Variants in MACROD2 observed in about 807,000 individuals in gnomAD.
The protein encoded by MACROD2 is ADP-ribose glycohydrolase MACROD2.
Under a neutral mutation model 70.4 loss-of-function variants are expected in MACROD2, and 36 were observed. The ratio of observed to expected loss-of-function variants is 0.51; its 90% confidence interval spans 0.39 to 0.68. The LOEUF (loss-of-function observed/expected upper bound fraction) is 0.68. MACROD2 is among the 30% of genes least tolerant of loss of function. The probability of loss-of-function intolerance (pLI) is 0.00; values close to 1 mark genes in which losing one functional copy is unlikely to be tolerated. For synonymous variants in MACROD2, 172 were observed against 178.8 expected, an observed-to-expected ratio of 0.96 and a Z score of 0.30; for missense variants, 496 against 538.4, an observed-to-expected ratio of 0.92 and a Z score of 0.78.
chr20:15,274,171 G>A (rs1177281574), intron 6 of MACROD2, among the ~76,000 whole-genome samples: 7 of 152,160 alleles, frequency 4.6e-5, no homozygotes, highest in Admixed American at 4.6e-4. Flanking sequence ...GGGTTGTATT[G>A]TATCTTAGGA....
chr20:14,331,375 G>C (rs527772049), intron 3 of MACROD2, among the ~76,000 whole-genome samples: 1 of 152,056 alleles, frequency 6.6e-6, no homozygotes, highest in African/African-American at 2.4e-5. Context: ...TTTTACATTT[G>C]TGAAGCTGCT....
intron 8 of MACROD2, among the ~76,000 whole-genome samples, chr20:15,607,900 T>C (rs1048055996): frequency 1.3e-5 from 2 of 152,204 alleles, no homozygotes; most frequent in African/African-American, 2.4e-5. Context: ...TCAGATGGTA[T>C]AAATGTTTGC....
chr20:14,272,112 G>A (rs1460380610), intron 3 of MACROD2, among the ~76,000 whole-genome samples: 1 of 152,006 alleles, frequency 6.6e-6, no homozygotes, highest in East Asian at 1.9e-4. Flanking sequence ...TAGTAAGGCA[G>A]GCCAACATTC....
At chr20:15,610,535 C>G (rs1480635444) in intron 8 of MACROD2, among the ~76,000 whole-genome samples, 4 of 152,148 alleles carry the variant, frequency 2.6e-5, no homozygotes, top group African/African-American at 9.7e-5. Context: ...GCACTTACCA[C>G]TGGGTCTAGG....
chr20:15,671,418 G>A (rs1417033320), intron 8 of MACROD2, among the ~76,000 whole-genome samples: 2 of 152,168 alleles, frequency 1.3e-5, no homozygotes, highest in African/African-American at 2.4e-5. Context: ...TGTAAGGGGT[G>A]GGGGGATTAT....
intron 3 of MACROD2, among the ~76,000 whole-genome samples, chr20:14,330,517 T>G (rs924081655): frequency 2.0e-5 from 3 of 152,098 alleles, no homozygotes; most frequent in Non-Finnish European, 4.4e-5. Context: ...AAGGCCACAA[T>G]TTGTGTTTCT....
chr20:14,037,794 G>A (rs1264715018), intron 2 of MACROD2, among the ~76,000 whole-genome samples: 1 of 151,840 alleles, frequency 6.6e-6, no homozygotes, highest in Admixed American at 6.6e-5. Context: ...TGAGGCGGGT[G>A]GATGGTTTGA....
At chr20:15,664,025 G>T (rs1475668069) in intron 8 of MACROD2, among the ~76,000 whole-genome samples, 2 of 152,194 alleles carry the variant, frequency 1.3e-5, no homozygotes, top group Non-Finnish European at 2.9e-5. Context: ...GAGAAACGGG[G>T]AATAAATCAG....
intron 5 of MACROD2, among the ~76,000 whole-genome samples, chr20:14,882,534 G>A (rs1346671708): frequency 6.6e-6 from 1 of 152,142 alleles, no homozygotes; most frequent in African/African-American, 2.4e-5. Flanking sequence ...TGGGAAGTTG[G>A]GTTGTTGAGA....
At chr20:14,542,771 C>T (rs148068402) in intron 4 of MACROD2, among the ~76,000 whole-genome samples, 11 of 152,084 alleles carry the variant, frequency 7.2e-5, no homozygotes, top group Non-Finnish European at 1.0e-4. Context: ...GTGGGTACAT[C>T]GGATTTTACT....
At chr20:14,140,361 G>T (rs550449425) in intron 3 of MACROD2, among the ~76,000 whole-genome samples, 4 of 152,254 alleles carry the variant, frequency 2.6e-5, no homozygotes, top group Admixed American at 2.6e-4. Flanking sequence ...ATGTGAAGAG[G>T]TAGTTTTTTC....
rs144388814 is a variant in MACROD2, at chr20:14,581,022, A to G, written c.301+87514A>G. On this transcript the variant is annotated intron_variant, in intron 4 of 17. Coordinates refer to ENST00000684519, the MANE Select transcript of MACROD2 (RefSeq NM_001351661.2). ...TATAAAACGAGTAACTATAATACCA[A>G]TCTACCTGTGGGCAGTTTGCAAAGG... Among the ~76,000 whole-genome samples the G allele has an allele frequency of 3.2e-4, 49 of 152,294 alleles. No homozygotes were observed. The East Asian group carries it at 5.8e-3, about 18-fold the overall frequency.
At chr20:15,995,104 A>G (rs929284500) in intron 15 of MACROD2, among the ~76,000 whole-genome samples, 51 of 152,242 alleles carry the variant, frequency 3.3e-4, no homozygotes, top group African/African-American at 1.2e-3. Flanking sequence ...TACTAACTCT[A>G]ATGACTAGCA....
chr20:14,176,969 G>A lies in MACROD2; in HGVS notation c.271+91241G>A, dbSNP rs189095356. Among the ~76,000 whole-genome samples the A allele has an allele frequency of 3.9e-5, 6 of 152,270 alleles. No homozygotes were observed. The East Asian group carries it at 1.2e-3, about 29-fold the overall frequency. On this transcript the variant is annotated intron_variant, in intron 3 of 17. Transcript: ENST00000684519. Reference sequence around the variant, plus strand: ...TCAAATCCTTAAGAATTAGTTTAGTGAGAAATATGCAAAACCTGTACTAGG... The same window carrying A: ...TCAAATCCTTAAGAATTAGTTTAGTAAGAAATATGCAAAACCTGTACTAGG...
intron 5 of MACROD2, among the ~76,000 whole-genome samples, chr20:15,081,195 A>T (rs867539332): frequency 2.0e-5 from 3 of 152,158 alleles, no homozygotes; most frequent in Admixed American, 1.3e-4. Flanking sequence ...GTAATAAAAA[A>T]ATTAAATGAA....
At chr20:15,108,769 C>G (rs1440748046) in intron 5 of MACROD2, among the ~76,000 whole-genome samples, 29 of 152,168 alleles carry the variant, frequency 1.9e-4, no homozygotes, top group Non-Finnish European at 2.9e-5. Flanking sequence ...ACCCCAAACT[C>G]CCTCAGAGAA....
intron 9 of MACROD2, among the ~76,000 whole-genome samples, chr20:15,884,082 G>A (rs1173571935): frequency 6.6e-6 from 1 of 152,066 alleles, no homozygotes; most frequent in Non-Finnish European, 1.5e-5. Flanking sequence ...TGAACCTGAA[G>A]CTCAGGAAGA....
At chr20:14,294,904 A>T (rs2082414321) in intron 3 of MACROD2, among the ~76,000 whole-genome samples, 1 of 151,632 alleles carries the variant, frequency 6.6e-6, no homozygotes, top group African/African-American at 2.4e-5. Context: ...GTCTTACCTA[A>T]CTGTAAACTC....
At chr20:14,648,580 C>T (rs11904997) in intron 4 of MACROD2, among the ~76,000 whole-genome samples, 81 of 151,790 alleles carry the variant, frequency 5.3e-4, no homozygotes, top group African/African-American at 1.7e-3. Context: ...CCTTTGTCTA[C>T]GTCTACTTTC....
Sources: gnomAD v4.1 joint callset for allele counts (sites outside exome capture counted in the v4.1 genomes callset) on GRCh38, gnomAD v4.1.1 for gene constraint, MANE v1.5 for transcripts, NCBI Gene and HGNC (gene_info 2026-07-23, HGNC 2026-07-21) for gene names.